The following ANKS6 variants were observed in gnomAD, a reference collection of about 807,000 sequenced individuals.
The protein encoded by ANKS6 is ankyrin repeat and sterile alpha motif domain containing 6, also known as ankyrin repeat and SAM domain-containing protein 6.
Under a neutral mutation model 77.9 loss-of-function variants are expected in ANKS6, and 47 were observed. The observed-to-expected ratio is 0.60, with a 90% CI of 0.48 to 0.77. The LOEUF (loss-of-function observed/expected upper bound fraction) is 0.77. ANKS6 is among the 30% of genes least tolerant of loss of function. The pLI, the probability that ANKS6 is intolerant of heterozygous loss-of-function variation, is 0.00. For missense variants in ANKS6, 1,150 were observed against 1,159.1 expected (o/e 0.99, Z 0.11); for synonymous variants, 488 against 501.7 (o/e 0.97, Z 0.37).
intron 1 of ANKS6, among the ~76,000 whole-genome samples, chr9:98,794,649 G>A (rs902906522): frequency 3.9e-5 from 6 of 152,070 alleles, no homozygotes; most frequent in Non-Finnish European, 7.4e-5. Context: ...TGATGATCTG[G>A]GGTCTCTGAG....
chr9:98,757,484 G>C (rs1273786896), intron 11 of ANKS6, among the ~76,000 whole-genome samples: 1 of 152,198 alleles, frequency 6.6e-6, no homozygotes, highest in Non-Finnish European at 1.5e-5. Flanking sequence ...ATGTGCTTGT[G>C]AATGTAGGGG....
Position 98,756,550 on chromosome 9 carries a change from G to A in ANKS6, c.2196C>T (p.Ser732=), listed in dbSNP as rs1832718543. The A allele has an allele frequency of 6.3e-7, 1 of 1,583,536 alleles. No individual in the cohort carries two copies. The highest frequency in any genetic ancestry group is 8.6e-7 in the Non-Finnish European group (1 of 1,167,356). ...PPSGTSTTSK[S]TSPTLTPSPS... ...GGGAGGGCGTGAGGGTTGGAGAGGT[G>A]CTCTTGGAGGTAGTGGAAGTTCCAG... The change falls in exon 12 of 15, where the codon AGC becomes AGT. Residue 732 remains serine, a synonymous_variant. Coordinates refer to ENST00000353234, the MANE Select transcript of ANKS6 (RefSeq NM_173551.5).
chr9:98,747,593 C>T (rs1832205258), intron 13 of ANKS6, among the ~76,000 whole-genome samples: 1 of 152,096 alleles, frequency 6.6e-6, no homozygotes, highest in African/African-American at 2.4e-5. Flanking sequence ...CCACCTGCCC[C>T]CCGCCCTGCT....
At chr9:98,740,264 A>G (rs940876672) in intron 14 of ANKS6, among the ~76,000 whole-genome samples, 4 of 152,132 alleles carry the variant, frequency 2.6e-5, no homozygotes, top group African/African-American at 9.7e-5. Context: ...GAGGACAGTA[A>G]GATTCTCCCT....
intron 1 of ANKS6, chr9:98,795,855 A>C: frequency 3.3e-6 from 1 of 299,668 alleles, no homozygotes; most frequent in Admixed American, 5.2e-5. Context: ...ATAAGAAATG[A>C]ATTAAATCTC....
chr9:98,741,533 C>G (rs755110759), intron 14 of ANKS6, among the ~76,000 whole-genome samples: 4 of 152,212 alleles, frequency 2.6e-5, no homozygotes, highest in Non-Finnish European at 5.9e-5. Flanking sequence ...TAAAAAAATT[C>G]TTTTCACCAT....
Position 98,778,365 on chromosome 9 carries a change from G to A in ANKS6, c.1428C>T (p.Pro476=), listed in dbSNP as rs760767896. 1.2e-6 allele frequency: 2 copies of A among 1,614,162 alleles called. No homozygotes were observed. Among genetic ancestry groups the A allele is most frequent in the Admixed American group, 1.7e-5 (1 of 60,024 alleles). ...AAGGCTGGTTGCTGGACAGCCCACG[G>A]GGCAGCGTCTGCATCAGTTTGAGCT... ...FRKLKLMQTL[P]RGLSSNQPLP... is the part of the protein sequence containing the mutation. Residue 476 remains proline, a synonymous_variant, in exon 7 of 15, where the codon CCC becomes CCT. Transcript: ENST00000353234.
rs946065655 is a variant in ANKS6 at position 98,736,042 on chromosome 9, G to A, written c.*477C>T. The A allele has an allele frequency of 8.4e-7, 1 of 1,193,822 alleles. No individual in the cohort carries two copies. The allele number at this position is 1,193,822 out of a possible 1,614,324, so 74.0% of individuals were successfully genotyped here. ...AAAGTTGTTGCTGGGAAGCCACTATGTGGAGACTGCACATCCTGGCCTCCT... is the reference window on the plus strand; with the variant it reads ...AAAGTTGTTGCTGGGAAGCCACTATATGGAGACTGCACATCCTGGCCTCCT... On this transcript the variant is annotated 3_prime_UTR_variant, in exon 15 of 15. Transcript: ENST00000353234.
intron 14 of ANKS6, among the ~76,000 whole-genome samples, chr9:98,742,593 A>G (rs1831897228): frequency 6.6e-6 from 1 of 152,160 alleles, no homozygotes; most frequent in African/African-American, 2.4e-5. Flanking sequence ...AGTGGTTCAG[A>G]TCGGCTCCTT....
At chr9:98,790,744 G>C in intron 1 of ANKS6, 138 bp from the exon 2 acceptor site, 3 of 1,221,688 alleles carry the variant, frequency 2.5e-6, no homozygotes, top group Non-Finnish European at 3.4e-6. Context: ...CAGGCACTGT[G>C]CCAGCCACAT....
rs1831405683 is a variant in ANKS6, at chr9:98,734,843, T to C, written c.*1676A>G. 4 of 985,468 alleles carry C rather than the reference T, an allele frequency of 4.1e-6. No individual in the cohort carries two copies. Among genetic ancestry groups the C allele is most frequent in the Non-Finnish European group, 4.8e-6 (4 of 829,946 alleles). The allele number at this position is 985,468 out of a possible 1,614,324, so 61.0% of individuals were successfully genotyped here. ...TTAGTAACCTTTGTAAAGGTGTCTATCAGTAACAGCTAAATGAAACACTTT... is the reference window on the plus strand; with the variant it reads ...TTAGTAACCTTTGTAAAGGTGTCTACCAGTAACAGCTAAATGAAACACTTT... On this transcript the variant is annotated 3_prime_UTR_variant, in exon 15 of 15. Transcript: ENST00000353234.
Position 98,735,758 on chromosome 9 carries a change from T to C in ANKS6, c.*761A>G. On this transcript the variant is annotated 3_prime_UTR_variant, in exon 15 of 15. Coordinates refer to ENST00000353234, the MANE Select transcript of ANKS6 (RefSeq NM_173551.5). ...ACACAGCAGGCCTCCACTTCTTTCC[T>C]TCTATAATAGACTCTCTTTGCAATA... 8.1e-7 allele frequency: 1 copy of C among 1,231,786 alleles called. No homozygotes were observed. Among genetic ancestry groups the C allele is most frequent in the Non-Finnish European group, 1.0e-6 (1 of 987,976 alleles). 76.3% of individuals were successfully genotyped at this position (1,231,786 alleles called of 1,614,324 possible). A position where few individuals can be genotyped will look rare whatever the true frequency, so the allele number is the denominator to read the frequency against.
chr9:98,776,524 C>A (rs1833928254), intron 8 of ANKS6, among the ~76,000 whole-genome samples: 1 of 152,020 alleles, frequency 6.6e-6, no homozygotes, highest in South Asian at 2.1e-4. Context: ...CCTCAGCCTC[C>A]CGAGTATCTG....
At chr9:98,782,625 C>CTT in intron 4 of ANKS6, 52 bp from the exon 5 acceptor site, 1 of 1,477,222 alleles carries the variant, frequency 6.8e-7, no homozygotes, top group Non-Finnish European at 9.5e-7. Context: ...CATGGCTTTG[C>CTT]TCCTGGGCAA....
intron 12 of ANKS6, among the ~76,000 whole-genome samples, chr9:98,756,208 A>G (rs1832689957): frequency 6.6e-6 from 1 of 152,178 alleles, no homozygotes; most frequent in South Asian, 2.1e-4. Flanking sequence ...ACCTATACTC[A>G]AAAACTCTTT....
chr9:98,796,507 C>T lies in ANKS6; in HGVS notation c.-16G>A, dbSNP rs1835187295. 3 of 986,678 alleles carry T rather than the reference C, an allele frequency of 3.0e-6. No homozygotes were observed. Among genetic ancestry groups the T allele is most frequent in the Non-Finnish European group, 3.6e-6 (3 of 832,124 alleles). The allele number at this position is 986,678 out of a possible 1,614,324, so 61.1% of individuals were successfully genotyped here. On this transcript the variant is annotated 5_prime_UTR_variant, in exon 1 of 15. Transcript: ENST00000353234. ...CCTCGCCCATCGCCGCCGCCACGCG[C>T]GGCCCGCTCCCGTCCGCCCCGCCGG...
Position 98,796,236 on chromosome 9 carries a change from C to T in ANKS6, c.256G>A (p.Ala86Thr). 3 of 1,405,014 alleles carry T rather than the reference C, an allele frequency of 2.1e-6. No individual in the cohort carries two copies. The highest frequency in any genetic ancestry group is 1.5e-5 in the African/African-American group (1 of 67,376). The allele number at this position is 1,405,014 out of a possible 1,614,324, so 87.0% of individuals were successfully genotyped here. ...EAGNTALQFA[A>T]AGGHEPLVRF... Reference sequence around the variant, plus strand: ...ACCAGCGGTTCGTGGCCCCCGGCCGCGGCGAACTGCAGTGCGGTGTTGCCC... The same window carrying T: ...ACCAGCGGTTCGTGGCCCCCGGCCGTGGCGAACTGCAGTGCGGTGTTGCCC... Residue 86 changes from alanine to threonine, a missense_variant, in exon 1 of 15, where the codon GCG becomes ACG. By Grantham distance (58) the Ala-to-Thr change is moderately conservative. Coordinates refer to ENST00000353234, the MANE Select transcript of ANKS6 (RefSeq NM_173551.5).
chr9:98,781,794 C>A (rs1044648665), intron 5 of ANKS6, among the ~76,000 whole-genome samples: 6 of 152,186 alleles, frequency 3.9e-5, no homozygotes, highest in Admixed American at 3.3e-4. Context: ...GCTAGAATCC[C>A]AGCACAGGGT....
intron 8 of ANKS6, among the ~76,000 whole-genome samples, chr9:98,776,209 T>C (rs1833910259): frequency 6.6e-6 from 1 of 152,152 alleles, no homozygotes; most frequent in African/African-American, 2.4e-5. Context: ...CTGGGAGTGA[T>C]CTTGTTTAAA....
Sources: gnomAD v4.1 joint callset for allele counts (sites outside exome capture counted in the v4.1 genomes callset) on GRCh38, gnomAD v4.1.1 for gene constraint, MANE v1.5 for transcripts, NCBI Gene and HGNC (gene_info 2026-07-23, HGNC 2026-07-21) for gene names.